Variants in UBE2O observed in about 807,000 individuals in gnomAD.
UBE2O encodes (E3-independent) E2 ubiquitin-conjugating enzyme.
Under a neutral mutation model 125.8 loss-of-function variants are expected in UBE2O, and 15 were observed. That is an observed-to-expected ratio of 0.12 (90% CI 0.08 to 0.18). The LOEUF is 0.18. Ranked by LOEUF, UBE2O falls within the 10% of genes least tolerant of loss-of-function variation. UBE2O has a pLI of 1.00. For synonymous variants in UBE2O, 708 were observed against 703.2 expected (o/e 1.01, Z -0.11); for missense variants, 1,280 against 1,723.6 (o/e 0.74, Z 4.56).
chr17:76,430,329 T>C (rs2072884948), intron 1 of UBE2O: 1 of 153,970 alleles, frequency 6.5e-6, no homozygotes, highest in African/African-American at 2.4e-5. Flanking sequence ...TTACCTAAAG[T>C]ATGCTAACCG....
rs1344126381 is a variant in UBE2O at position 76,399,825 on chromosome 17, TCTTGTCTGG to T, written c.1243_1251del (p.Pro415_Lys417del). On this transcript the variant is annotated inframe_deletion, in exon 9 of 18. Transcript: ENST00000319380. This position sits in a 1 kb window ranked among gnomAD's most constrained non-coding sequence, Gnocchi z 6.9. ...TCGCTCTTGGTTTTGGATTCCCCCT[TCTTGTCTGG>T]GTCTTCCATGGAATGGTCCCGGGAA... 1 of 1,614,190 alleles carries T rather than the reference TCTTGTCTGG, an allele frequency of 6.2e-7. No homozygotes were observed. The highest frequency in any genetic ancestry group is 8.5e-7 in the Non-Finnish European group (1 of 1,180,028).
chr17:76,418,659 T>G (rs1191676111), intron 1 of UBE2O, among the ~76,000 whole-genome samples: 1 of 149,660 alleles, frequency 6.7e-6, no homozygotes, highest in Non-Finnish European at 1.5e-5. Context: ...AAGCTCCACC[T>G]CCTGGGTTCA....
At chr17:76,419,147 G>T (rs2072666003) in intron 1 of UBE2O, among the ~76,000 whole-genome samples, 1 of 147,324 alleles carries the variant, frequency 6.8e-6, no homozygotes. Context: ...AATTAGGCCT[G>T]GTGGCTCATG....
intron 1 of UBE2O, among the ~76,000 whole-genome samples, chr17:76,435,119 T>A (rs892076577): frequency 2.0e-5 from 3 of 152,212 alleles, no homozygotes; most frequent in Non-Finnish European, 4.4e-5. Context: ...CCAAGCCAGC[T>A]GTGAGTCACC....
At chr17:76,425,916 T>C (rs1441986461) in intron 1 of UBE2O, among the ~76,000 whole-genome samples, 1 of 152,222 alleles carries the variant, frequency 6.6e-6, no homozygotes, top group Non-Finnish European at 1.5e-5. Flanking sequence ...TCCCGTTTCC[T>C]GGATCCTGGG....
intron 1 of UBE2O, among the ~76,000 whole-genome samples, chr17:76,428,237 C>T (rs1031822468): frequency 7.9e-5 from 12 of 152,150 alleles, no homozygotes; most frequent in African/African-American, 2.9e-4. Flanking sequence ...AGCTTTATGC[C>T]CAGTGCTCTG....
rs764546792 is a variant in UBE2O, at chr17:76,391,086, G to T, written c.3736C>A (p.Pro1246Thr). The T allele has an allele frequency of 6.2e-7, 1 of 1,614,038 alleles. No homozygotes were observed. Among genetic ancestry groups the T allele is most frequent in the Non-Finnish European group, 8.5e-7 (1 of 1,180,054 alleles). Residue 1246 changes from proline to threonine, a missense_variant, in exon 18 of 18, where the codon CCT becomes ACT. Physicochemically the swap from Pro to Thr is conservative, Grantham distance 38. This residue lies in a region of UBE2O where 233 missense variants were observed against 279.0 expected (regional missense o/e 0.84). Coordinates refer to ENST00000319380, the MANE Select transcript of UBE2O (RefSeq NM_022066.4). The surrounding 1 kb of genome is among the most constrained non-coding windows in gnomAD (Gnocchi z 8.4). Reference protein sequence around the residue: ...KRRKSYRSFLPEKSGYPDIGF... With the variant: ...KRRKSYRSFLTEKSGYPDIGF... ...ATGTCAGGGTAGCCACTCTTCTCAG[G>T]TAAGAAGCTCCGGTAGCTCTTTCTC...
chr17:76,426,580 T>C (rs2072814221), intron 1 of UBE2O, among the ~76,000 whole-genome samples: 1 of 152,220 alleles, frequency 6.6e-6, no homozygotes, highest in Non-Finnish European at 1.5e-5. Flanking sequence ...TTAAACACTA[T>C]TTCTATTCTT....
intron 1 of UBE2O, among the ~76,000 whole-genome samples, chr17:76,412,353 AAG>A (rs2072530982): frequency 2.0e-5 from 3 of 151,986 alleles, no homozygotes; most frequent in Non-Finnish European, 4.4e-5. Context: ...ATACTTCCCA[AAG>A]AGTAAAAACA....
intron 1 of UBE2O, among the ~76,000 whole-genome samples, chr17:76,426,972 G>C (rs2072824033): frequency 6.6e-6 from 1 of 151,708 alleles, no homozygotes; most frequent in African/African-American, 2.4e-5. Flanking sequence ...GATAATTTAA[G>C]CTGGTTGCTG....
In UBE2O at chr17:76,405,257, G is replaced by A; in HGVS notation, c.537C>T (p.Gly179=). The A allele has an allele frequency of 6.2e-7, 1 of 1,613,596 alleles. No homozygotes were observed. Among genetic ancestry groups the A allele is most frequent in the Non-Finnish European group, 8.5e-7 (1 of 1,179,672 alleles). The part of the protein sequence containing the change: ...VNIDCAVKLI[G]TNCIIYPVNS... ...TGACGGGATAGATGATGCAGTTGGTGCCGATGAGCTTGACGGCACAGTCGA... is the reference window on the plus strand; with the variant it reads ...TGACGGGATAGATGATGCAGTTGGTACCGATGAGCTTGACGGCACAGTCGA... The change falls in exon 3 of 18, where the codon GGC becomes GGT. Residue 179 remains glycine (G), a synonymous_variant. Transcript: ENST00000319380. This position sits in a 1 kb window ranked among gnomAD's most constrained non-coding sequence, Gnocchi z 6.1.
rs1598585253 is a variant in UBE2O, at chr17:76,398,977, A to C, written c.1643T>G (p.Val548Gly). ...FKPGDRVAVE[V>G]VTTMTSADVM... ...GTCGGCTGAGGTCATCGTGGTCACC[A>C]CCTCCACTGCCACCCTGCGGGTGCA... Residue 548 changes from valine (V) to glycine (G), a missense_variant, in exon 10 of 18, where the codon GTG (valine) becomes GGG (glycine). Physicochemically the swap from Val to Gly is moderately radical, Grantham distance 109 (BLOSUM62 -3). Around this residue, in one of 10 missense-constraint regions of UBE2O, gnomAD observed 145 missense variants for 219.6 expected, o/e 0.66. Coordinates refer to ENST00000319380, the MANE Select transcript of UBE2O (RefSeq NM_022066.4). The surrounding 1 kb of genome is among the most constrained non-coding windows in gnomAD (Gnocchi z 5.4). 6.2e-7 allele frequency: 1 copy of C among 1,613,596 alleles called. No homozygotes were observed.
At position 76,452,858 on chromosome 17, in the gene UBE2O, C is replaced by G; in HGVS notation, c.284G>C (p.Gly95Ala). 1 of 1,504,190 alleles carries G rather than the reference C, an allele frequency of 6.6e-7. No individual in the cohort carries two copies. The highest frequency in any genetic ancestry group is 8.9e-7 in the Non-Finnish European group (1 of 1,126,510). The allele number at this position is 1,504,190 out of a possible 1,614,324, so 93.2% of individuals were successfully genotyped here. Reference sequence around the variant, plus strand: ...CTCGGAGCACCCCGAGCTCCCGCGGCCCTCCTCCTCGCCCTCCGAGTCCGA... The same window carrying G: ...CTCGGAGCACCCCGAGCTCCCGCGGGCCTCCTCCTCGCCCTCCGAGTCCGA... ...EDSDSEGEEEGRGSSGCSEAG... is the reference protein window; with the variant it reads ...EDSDSEGEEEARGSSGCSEAG... Residue 95 changes from glycine to alanine, a missense_variant, in exon 1 of 18, where the codon GGC becomes GCC. Coordinates refer to ENST00000319380, the MANE Select transcript of UBE2O (RefSeq NM_022066.4). This position sits in a 1 kb window ranked among gnomAD's most constrained non-coding sequence, Gnocchi z 4.4.
Position 76,396,592 on chromosome 17 carries a change from G to A in UBE2O, c.2345C>T (p.Thr782Ile). Residue 782 changes from threonine to isoleucine, a missense_variant, in exon 14 of 18, where the codon ACA becomes ATA. Around this residue, in one of 10 missense-constraint regions of UBE2O, gnomAD observed 210 missense variants for 268.9 expected, o/e 0.78. Coordinates refer to ENST00000319380, the MANE Select transcript of UBE2O (RefSeq NM_022066.4). The surrounding 1 kb of genome is among the most constrained non-coding windows in gnomAD (Gnocchi z 6.7). ...GGCCACAGCCCCCTGGACGGCAGCTGTGGCTGCCTCTTCACTGATCACCAC... is the reference window on the plus strand; with the variant it reads ...GGCCACAGCCCCCTGGACGGCAGCTATGGCTGCCTCTTCACTGATCACCAC... ...KGVVISEEAA[T>I]AAVQGAVAMA... is the part of the protein sequence containing the mutation. 1.2e-6 allele frequency: 2 copies of A among 1,607,580 alleles called. No homozygotes were observed. Among genetic ancestry groups the A allele is most frequent in the South Asian group, 1.1e-5 (1 of 90,420 alleles).
chr17:76,411,532 T>C (rs2072516016), intron 1 of UBE2O, among the ~76,000 whole-genome samples: 1 of 152,090 alleles, frequency 6.6e-6, no homozygotes, highest in Non-Finnish European at 1.5e-5. Context: ...CACTTACAGC[T>C]CAAGGCTGGA....
chr17:76,422,807 G>A (rs1402278746), intron 1 of UBE2O, among the ~76,000 whole-genome samples: 1 of 152,202 alleles, frequency 6.6e-6, no homozygotes, highest in African/African-American at 2.4e-5. Flanking sequence ...CAGTCTGTGT[G>A]CCCCATGGGG....
intron 1 of UBE2O, among the ~76,000 whole-genome samples, chr17:76,408,091 C>CACTG (rs2072454259): frequency 6.6e-6 from 1 of 152,194 alleles, no homozygotes; most frequent in Non-Finnish European, 1.5e-5. Context: ...CCATACTGGG[C>CACTG]ACTGGCTTTC....
chr17:76,448,674 T>C (rs2073187020), intron 1 of UBE2O, among the ~76,000 whole-genome samples: 1 of 152,224 alleles, frequency 6.6e-6, no homozygotes, highest in African/African-American at 2.4e-5. Context: ...ACGCTTTGCC[T>C]CCGAAACGAA....
chr17:76,390,491 T>G lies in UBE2O; in HGVS notation c.*452A>C. On this transcript the variant is annotated 3_prime_UTR_variant, in exon 18 of 18. Transcript: ENST00000319380. ...AGGAGGGTCTGGGACACAGGGAGGC[T>G]TGAGTTGAACTAAACAGGTTGAAAG... 6.4e-6 allele frequency: 1 copy of G among 157,116 alleles called. No individual in the cohort carries two copies. Among genetic ancestry groups the G allele is most frequent in the South Asian group, 2.0e-4 (1 of 5,070 alleles). 9.7% of individuals were successfully genotyped at this position (157,116 alleles called of 1,614,324 possible).
Sources: allele counts gnomAD v4.1 joint callset (sites outside exome capture counted in the v4.1 genomes callset), GRCh38; gene constraint gnomAD v4.1.1; regional missense constraint gnomAD v4.1.1; non-coding constraint Gnocchi (gnomAD v3.1); transcripts MANE v1.5; gene names NCBI Gene and HGNC (gene_info 2026-07-23, HGNC 2026-07-21).